SGCZ: variants seen among roughly 807,000 people sequenced by gnomAD.
SGCZ encodes the protein sarcoglycan zeta.
SGCZ carries 40 observed loss-of-function variants against 41.3 expected under a neutral mutation model. The ratio of observed to expected loss-of-function variants is 0.97; its 90% CI spans 0.75 to 1.26. The LOEUF is 1.26. Ranked by LOEUF, SGCZ falls within the 50% of genes most tolerant of loss-of-function variation. The pLI is 0.00. For missense variants in SGCZ, 552 were observed against 369.8 expected (o/e 1.49, Z -4.04); for synonymous variants, 206 against 137.5 (o/e 1.50, Z -3.49).
chr8:14,444,872 T>C (rs762837704), intron 2 of SGCZ, among the ~76,000 whole-genome samples: 1 of 152,140 alleles, frequency 6.6e-6, no homozygotes, highest in Non-Finnish European at 1.5e-5. Flanking sequence ...TTGAAATGAC[T>C]GTTAATACCT....
chr8:14,462,408 C>T (rs1245572057), intron 2 of SGCZ, among the ~76,000 whole-genome samples: 2 of 151,896 alleles, frequency 1.3e-5, no homozygotes, highest in Non-Finnish European at 2.9e-5. Flanking sequence ...TTGTTTAGTA[C>T]ACTCATACGG....
At chr8:14,936,278 G>C (rs1361018186) in intron 1 of SGCZ, among the ~76,000 whole-genome samples, 1 of 151,856 alleles carries the variant, frequency 6.6e-6, no homozygotes, top group South Asian at 2.1e-4. Flanking sequence ...ATCATAATTT[G>C]AAAATACCCT....
intron 2 of SGCZ, among the ~76,000 whole-genome samples, chr8:14,551,578 ATAATATATATAATATATATT>A (rs1469936563): frequency 1.3e-3 from 45 of 34,700 alleles, no homozygotes; most frequent in African/African-American, 2.0e-3. Flanking sequence ...TAATATATAT[ATAATATATATAATATATATT>A]ATATATATTA....
intron 1 of SGCZ, among the ~76,000 whole-genome samples, chr8:14,823,522 A>G (rs564056430): frequency 1.1e-3 from 162 of 152,336 alleles, no homozygotes; most frequent in Non-Finnish European, 1.6e-3. Flanking sequence ...TTAAAGTTAC[A>G]ATAAATACCA....
chr8:15,194,224 CA>C (rs1425807864), intron 1 of SGCZ, among the ~76,000 whole-genome samples: 13 of 148,872 alleles, frequency 8.7e-5, no homozygotes, highest in East Asian at 7.8e-4. Flanking sequence ...CACACACACA[CA>C]CACCACAACC....
At chr8:14,343,496 C>T (rs1802781589) in intron 2 of SGCZ, among the ~76,000 whole-genome samples, 1 of 152,152 alleles carries the variant, frequency 6.6e-6, no homozygotes, top group African/African-American at 2.4e-5. Flanking sequence ...CGTATGTTTT[C>T]CCTCAAGTCA....
At chr8:14,711,304 T>G (rs968971867) in intron 1 of SGCZ, among the ~76,000 whole-genome samples, 2 of 151,942 alleles carry the variant, frequency 1.3e-5, no homozygotes, top group Non-Finnish European at 2.9e-5. Context: ...AATGTACATA[T>G]GTTGGCCAGG....
intron 1 of SGCZ, among the ~76,000 whole-genome samples, chr8:14,950,584 G>A (rs925368767): frequency 6.6e-6 from 1 of 151,974 alleles, no homozygotes; most frequent in Non-Finnish European, 1.5e-5. Context: ...AGTGGGTTGT[G>A]TTTTCAACTT....
chr8:14,766,710 T>A (rs1459092748), intron 1 of SGCZ, among the ~76,000 whole-genome samples: 3 of 149,254 alleles, frequency 2.0e-5, no homozygotes, highest in African/African-American at 7.4e-5. Flanking sequence ...CACAGGCACC[T>A]GTCACCATGT....
chr8:14,135,907 A>T (rs1407587739), intron 5 of SGCZ, among the ~76,000 whole-genome samples: 1 of 152,190 alleles, frequency 6.6e-6, no homozygotes, highest in Non-Finnish European at 1.5e-5. Flanking sequence ...ACGTTTATAA[A>T]AGGAGTTAGC....
At chr8:15,206,076 G>C (rs574318984) in intron 1 of SGCZ, among the ~76,000 whole-genome samples, 104 of 152,212 alleles carry the variant, frequency 6.8e-4, no homozygotes, top group African/African-American at 2.4e-3. Flanking sequence ...ATAACTATTG[G>C]ATACTGGGCT....
At chr8:14,560,469 C>T (rs943436806) in intron 1 of SGCZ, among the ~76,000 whole-genome samples, 2 of 151,886 alleles carry the variant, frequency 1.3e-5, no homozygotes, top group Non-Finnish European at 2.9e-5. Context: ...GTAGGAGGAG[C>T]ATAGGAGAAA....
intron 1 of SGCZ, among the ~76,000 whole-genome samples, chr8:15,219,775 T>C (rs1018357985): frequency 1.3e-5 from 2 of 152,216 alleles, no homozygotes; most frequent in Non-Finnish European, 2.9e-5. Flanking sequence ...TGTCTCATTA[T>C]GAATTTGAAG....
At chr8:14,656,352 T>A (rs1252374683) in intron 1 of SGCZ, among the ~76,000 whole-genome samples, 1 of 150,948 alleles carries the variant, frequency 6.6e-6, no homozygotes, top group Non-Finnish European at 1.5e-5. Flanking sequence ...CCTTCTCTCC[T>A]TCCTTCTTCC....
chr8:14,556,879 G>T (rs1364479727), intron 1 of SGCZ, among the ~76,000 whole-genome samples: 1 of 151,962 alleles, frequency 6.6e-6, no homozygotes, highest in South Asian at 2.1e-4. Flanking sequence ...ATTGTGAATT[G>T]TGCTGCTATA....
chr8:15,168,469 C>G (rs949466043), intron 1 of SGCZ, among the ~76,000 whole-genome samples: 5 of 152,208 alleles, frequency 3.3e-5, no homozygotes, highest in African/African-American at 1.2e-4. Flanking sequence ...GCTCCCCCCA[C>G]AACCCAACCC....
chr8:14,179,259 CA>C (rs1186211796), intron 4 of SGCZ, among the ~76,000 whole-genome samples: 1 of 152,208 alleles, frequency 6.6e-6, no homozygotes, highest in Non-Finnish European at 1.5e-5. Context: ...ATAACCTAAG[CA>C]ATGTGGTGCC....
intron 2 of SGCZ, among the ~76,000 whole-genome samples, chr8:14,371,643 C>T (rs965746813): frequency 2.6e-5 from 4 of 151,970 alleles, no homozygotes; most frequent in African/African-American, 7.2e-5. Context: ...TGACCCTGGC[C>T]CTATTAATTA....
intron 1 of SGCZ, among the ~76,000 whole-genome samples, chr8:15,171,405 TTTTA>T (rs1799826168): frequency 6.6e-6 from 1 of 152,202 alleles, no homozygotes; most frequent in African/African-American, 2.4e-5. Context: ...TTTTATTGCA[TTTTA>T]TTTAATTTTA....
Sources: allele counts gnomAD v4.1 joint callset (sites outside exome capture counted in the v4.1 genomes callset), GRCh38; gene constraint gnomAD v4.1.1; transcripts MANE v1.5; gene names NCBI Gene and HGNC (gene_info 2026-07-23, HGNC 2026-07-21).